Variants in RIBC2 observed in about 807,000 individuals in gnomAD.
The protein encoded by RIBC2 is RIB43A domain with coiled-coils 2.
In RIBC2, 40 loss-of-function variants were observed where a neutral mutation model predicts 44.3. The observed-to-expected ratio is 0.90, with a 90% CI of 0.70 to 1.18. The LOEUF (loss-of-function observed/expected upper bound fraction) is 1.18. Among genes scored for constraint, RIBC2 ranks in the 50% most tolerant of loss-of-function variants. The pLI, the probability that RIBC2 is intolerant of heterozygous loss-of-function variation, is 0.00. For synonymous variants in RIBC2, 171 were observed against 175.0 expected, an observed-to-expected ratio of 0.98 and a Z score of 0.18; for missense variants, 459 against 485.5, an observed-to-expected ratio of 0.95 and a Z score of 0.51.
At chr22:45,424,647 G>A (rs910166551) in intron 4 of RIBC2, among the ~76,000 whole-genome samples, 7 of 152,248 alleles carry the variant, frequency 4.6e-5, no homozygotes, top group South Asian at 4.1e-4. Flanking sequence ...GGGATGGAGC[G>A]ACCGCCAGCC....
chr22:45,423,802 A>C (rs2087508399), intron 4 of RIBC2, among the ~76,000 whole-genome samples: 1 of 152,142 alleles, frequency 6.6e-6, no homozygotes, highest in Non-Finnish European at 1.5e-5. Context: ...CCTGCCCTTC[A>C]TTTTACAGAG....
chr22:45,413,710 G>C lies in RIBC2; in HGVS notation c.-177G>C. 1 of 1,158,498 alleles carries C rather than the reference G, an allele frequency of 8.6e-7. No individual in the cohort carries two copies. Among genetic ancestry groups the C allele is most frequent in the East Asian group, 2.6e-5 (1 of 38,680 alleles). The allele number at this position is 1,158,498 out of a possible 1,614,324, so 71.8% of individuals were successfully genotyped here. On this transcript the variant is annotated 5_prime_UTR_variant, in exon 1 of 7. Coordinates refer to ENST00000614167, the MANE Select transcript of RIBC2 (RefSeq NM_015653.5). ...AGCAACGAGTTGTTGACATTTCCGA[G>C]AGAGCGGGAGCGTCTGTACCTCTGC...
chr22:45,417,736 G>A lies in RIBC2; in HGVS notation c.346G>A (p.Asp116Asn). The change falls in exon 3 of 7, where the codon GAT (aspartate) becomes AAT (asparagine). Residue 116 changes from aspartate to asparagine, a missense_variant. Physicochemically the swap from Asp to Asn is conservative, Grantham distance 23. Coordinates refer to ENST00000614167, the MANE Select transcript of RIBC2 (RefSeq NM_015653.5). ...GAAGCCAGAAACTCGCCGTGAATTT[G>A]ATCTGTCCGACCCCCTAGCCCTTAA... is the stretch of plus-strand genomic sequence containing the variant. ...FQKPETRREF[D>N]LSDPLALKKD... 1.9e-6 allele frequency: 3 copies of A among 1,614,152 alleles called. No individual in the cohort carries two copies. Among genetic ancestry groups the A allele is most frequent in the Non-Finnish European group, 1.7e-6 (2 of 1,180,032 alleles).
chr22:45,420,596 C>T (rs1444194439), intron 3 of RIBC2, among the ~76,000 whole-genome samples: 2 of 152,218 alleles, frequency 1.3e-5, no homozygotes, highest in Non-Finnish European at 2.9e-5. Context: ...CCTGGATCCT[C>T]TTCTGCATCT....
chr22:45,422,239 G>A, intron 3 of RIBC2, 51 bp from the exon 4 acceptor site: 1 of 1,343,556 alleles, frequency 7.4e-7, no homozygotes, highest in Non-Finnish European at 1.1e-6. Context: ...CCACACGTGG[G>A]AAGGTGCTCC....
chr22:45,414,379 G>A lies in RIBC2; in HGVS notation c.187G>A (p.Glu63Lys). 6.4e-7 allele frequency: 1 copy of A among 1,550,744 alleles called. No individual in the cohort carries two copies. The highest frequency in any genetic ancestry group is 1.2e-5 in the South Asian group (1 of 83,916). The change falls in exon 2 of 7, where the codon GAA becomes AAA. Residue 63 changes from glutamate (E) to lysine (K), a missense_variant. By Grantham distance (56) the Glu-to-Lys change is moderately conservative. Coordinates refer to ENST00000614167, the MANE Select transcript of RIBC2 (RefSeq NM_015653.5). Reference sequence around the variant, plus strand: ...TGACCAGAAGATAAAAGAAGCTACTGAAAAAGCTAGACATGAAACCTTTGG... The same window carrying A: ...TGACCAGAAGATAAAAGAAGCTACTAAAAAAGCTAGACATGAAACCTTTGG... The part of the protein sequence containing the change: ...VHDQKIKEAT[E>K]KARHETFAAE...
Position 45,414,340 on chromosome 22 carries a change from G to A in RIBC2, c.148G>A (p.Asp50Asn), listed in dbSNP as rs2087396275. 6.4e-7 allele frequency: 1 copy of A among 1,551,054 alleles called. No homozygotes were observed. The highest frequency in any genetic ancestry group is 8.7e-7 in the Non-Finnish European group (1 of 1,146,790). ...TTTATAGGGAGACACTGAAGCCTGG[G>A]ATGTTCAAGTTCATGACCAGAAGAT... ...RIIGGDTEAW[D>N]VQVHDQKIKE... is the part of the protein sequence containing the mutation. The change falls in exon 2 of 7, where the codon GAT (aspartate) becomes AAT (asparagine). Residue 50 changes from aspartate (D) to asparagine (N), a missense_variant. Transcript: ENST00000614167.
chr22:45,421,559 G>GTATTATTAATAATAC (rs746830720), intron 3 of RIBC2, among the ~76,000 whole-genome samples: 1 of 33,516 alleles, frequency 3.0e-5, no homozygotes, highest in Non-Finnish European at 4.7e-5. Flanking sequence ...AATAATAATA[G>GTATTATTAATAATAC]TATTATTAAT....
At chr22:45,416,377 G>C (rs1212650641) in intron 2 of RIBC2, among the ~76,000 whole-genome samples, 1 of 152,070 alleles carries the variant, frequency 6.6e-6, no homozygotes, top group East Asian at 1.9e-4. Flanking sequence ...ATGGATCAAA[G>C]GTAGTTTTAT....
In RIBC2 at chr22:45,413,805, G is replaced by A. The variant is rs769915854; in HGVS notation, c.-82G>A. ...TTTCCCCTGCCCGACCGAAGGAGCC[G>A]ACCTTGCCTGCGCTACAGCTTCCTT... On this transcript the variant is annotated 5_prime_UTR_variant, in exon 1 of 7. Transcript: ENST00000614167. 2 of 1,468,422 alleles carry A rather than the reference G, an allele frequency of 1.4e-6. No individual in the cohort carries two copies. Among genetic ancestry groups the A allele is most frequent in the Non-Finnish European group, 1.8e-6 (2 of 1,104,034 alleles). The allele number at this position is 1,468,422 out of a possible 1,614,324, so 91.0% of individuals were successfully genotyped here.
intron 4 of RIBC2, among the ~76,000 whole-genome samples, chr22:45,423,131 G>A (rs1295893822): frequency 3.3e-5 from 5 of 151,900 alleles, no homozygotes; most frequent in African/African-American, 4.8e-5. Flanking sequence ...ACAGTCACGC[G>A]CCACCATGCC....
chr22:45,424,412 T>C (rs2087514494), intron 4 of RIBC2, among the ~76,000 whole-genome samples: 1 of 152,226 alleles, frequency 6.6e-6, no homozygotes, highest in East Asian at 1.9e-4. Context: ...GGCTCTGCCC[T>C]GCAGCCTTGG....
At chr22:45,420,118 CAG>C (rs1266497838) in intron 3 of RIBC2, among the ~76,000 whole-genome samples, 1 of 152,248 alleles carries the variant, frequency 6.6e-6, no homozygotes, top group Non-Finnish European at 1.5e-5. Flanking sequence ...CGATTTTTTT[CAG>C]AGACCTACAA....
At position 45,432,455 on chromosome 22, in the gene RIBC2, A is replaced by G; in HGVS notation, c.*93A>G. 1.3e-6 allele frequency: 1 copy of G among 772,364 alleles called. No individual in the cohort carries two copies. Among genetic ancestry groups the G allele is most frequent in the Non-Finnish European group, 2.2e-6 (1 of 451,562 alleles). The allele number at this position is 772,364 out of a possible 1,614,324, so 47.8% of individuals were successfully genotyped here. A position where few individuals can be genotyped will look rare whatever the true frequency, so the allele number is the denominator to read the frequency against. ...TTTTTAAAGATACACTCCTTGGGCC[A>G]CAAGTACCCTTCAGCTGTAATCGTC... On this transcript the variant is annotated 3_prime_UTR_variant, in exon 7 of 7. Coordinates refer to ENST00000614167, the MANE Select transcript of RIBC2 (RefSeq NM_015653.5).
chr22:45,418,586 G>A (rs559578187), intron 3 of RIBC2, among the ~76,000 whole-genome samples: 1 of 152,298 alleles, frequency 6.6e-6, no homozygotes, highest in African/African-American at 2.4e-5. Context: ...CGGAAAGACC[G>A]GGTAACGAAG....
Position 45,415,045 on chromosome 22 carries a change from A to G in RIBC2, c.211+642A>G, listed in dbSNP as rs116714974. On this transcript the variant is annotated intron_variant, in intron 2 of 6. Transcript: ENST00000614167. ...TTCAAGGTATTATTATTCCACTTCA[A>G]ATACAACTTATTTTCCCCTATCGTG... 5.0e-3 allele frequency among the ~76,000 whole-genome samples: 764 copies of G among 152,260 alleles called. 11 individuals carry two copies. Among genetic ancestry groups the G allele is most frequent in the African/African-American group, 0.017 (726 of 41,552 alleles).
chr22:45,422,579 G>A, intron 4 of RIBC2, 171 bp downstream of exon 4: 1 of 640,770 alleles, frequency 1.6e-6, no homozygotes, highest in Admixed American at 2.6e-5. Context: ...AGATGGATGA[G>A]ACCCAGTCCT....
At chr22:45,424,581 C>A (rs1327155616) in intron 4 of RIBC2, among the ~76,000 whole-genome samples, 1 of 152,226 alleles carries the variant, frequency 6.6e-6, no homozygotes, top group African/African-American at 2.4e-5. Flanking sequence ...CCCTGCCCGC[C>A]ATGGACAGGC....
intron 4 of RIBC2, among the ~76,000 whole-genome samples, chr22:45,424,750 TTTC>T (rs1408591834): frequency 7.6e-6 from 1 of 131,738 alleles, no homozygotes; most frequent in East Asian, 2.3e-4. Context: ...ACATTTCTTT[TTTC>T]TTTTTTTTTT....
Sources: allele counts gnomAD v4.1 joint callset (sites outside exome capture counted in the v4.1 genomes callset), GRCh38; gene constraint gnomAD v4.1.1; transcripts MANE v1.5; gene names NCBI Gene and HGNC (gene_info 2026-07-23, HGNC 2026-07-21).